WARS2: variants seen among roughly 807,000 people sequenced by gnomAD.
WARS2 encodes tryptophan--tRNA ligase, mitochondrial.
Under a neutral mutation model 36.5 loss-of-function variants are expected in WARS2, and 28 were observed. The observed-to-expected ratio is 0.77, with a 90% confidence interval of 0.57 to 1.05. The LOEUF (loss-of-function observed/expected upper bound fraction) is 1.05, where lower values mean the gene tolerates loss of function less well. Among genes scored for constraint, WARS2 ranks in the 50% least tolerant of loss-of-function variants. WARS2 has a pLI of 0.00. For synonymous variants in WARS2, 174 were observed against 178.4 expected, an observed-to-expected ratio of 0.98 and a Z score of 0.20; for missense variants, 435 against 456.8, an observed-to-expected ratio of 0.95 and a Z score of 0.44.
rs183181425 is a variant in WARS2, at chr1:119,092,046, G to C, written c.91-15439C>G. 2.2e-4 allele frequency among the ~76,000 whole-genome samples: 33 copies of C among 152,268 alleles called. No homozygotes were observed. The East Asian group carries it at 6.0e-3, about 28-fold the overall frequency. On this transcript the variant is annotated intron_variant, in intron 1 of 5. Transcript: ENST00000235521. ...TTTGAACTAGAATCTAGAATTCCCC[G>C]TGGTTAGAGCAACACAGGGGTATAT...
chr1:119,047,426 A>G (rs1013048468), intron 2 of WARS2: 10 of 152,210 alleles, frequency 6.6e-5, no homozygotes, highest in African/African-American at 1.7e-4. Context: ...AGCTACCACT[A>G]TGTCTCCACG....
intron 1 of WARS2, among the ~76,000 whole-genome samples, chr1:119,077,130 C>A (rs1452937815): frequency 1.0e-4 from 1 of 9,874 alleles, no homozygotes; most frequent in Non-Finnish European, 2.3e-4. Context: ...AGAGCGAGAC[C>A]CCGTCTCAAA....
At chr1:119,048,842 T>A (rs1410717918) in intron 2 of WARS2, among the ~76,000 whole-genome samples, 3 of 152,080 alleles carry the variant, frequency 2.0e-5, no homozygotes, top group Non-Finnish European at 4.4e-5. Context: ...GGTGGGCGGA[T>A]TACCTGACGT....
intron 1 of WARS2, 198 bp downstream of exon 1, chr1:119,140,357 A>C (rs1656865982): frequency 2.4e-6 from 1 of 422,404 alleles, no homozygotes; most frequent in Admixed American, 4.4e-5. Flanking sequence ...TTCCACCAAG[A>C]AACCTTTACG....
At chr1:119,122,333 C>T (rs1655377425) in intron 1 of WARS2, among the ~76,000 whole-genome samples, 1 of 152,076 alleles carries the variant, frequency 6.6e-6, no homozygotes, top group Admixed American at 6.6e-5. Flanking sequence ...CAAATCAAAA[C>T]CACAATGTGA....
In WARS2 at chr1:119,076,348, A is replaced by C; in HGVS notation, c.348+2T>G. On this transcript the variant is annotated splice_donor_variant, in intron 2 of 5. Transcript: ENST00000235521. LOFTEE classifies it high-confidence loss of function. The stretch of plus-strand genomic sequence containing the variant: ...TTCTCAGTTCTAATCTGAGAAGCTG[A>C]CCTGAGATTGTTGGAAAAGGATGCT... 1 of 1,614,092 alleles carries C rather than the reference A, an allele frequency of 6.2e-7. No homozygotes were observed. Among genetic ancestry groups the C allele is most frequent in the Non-Finnish European group, 8.5e-7 (1 of 1,179,990 alleles).
chr1:119,140,542 C>G lies in WARS2; in HGVS notation c.90+13G>C, dbSNP rs1237564466. 1.2e-6 allele frequency: 2 copies of G among 1,611,796 alleles called. No homozygotes were observed. Among genetic ancestry groups the G allele is most frequent in the Admixed American group, 1.7e-5 (1 of 59,798 alleles). ...GATGGGAAGCCGCGGAGGGAAGGGC[C>G]GTCTTTGGTTACCTGGAGAGCGGGA... On this transcript the variant is annotated intron_variant, in intron 1 of 5. Coordinates refer to ENST00000235521, the MANE Select transcript of WARS2 (RefSeq NM_015836.4).
intron 2 of WARS2, among the ~76,000 whole-genome samples, chr1:119,061,731 A>AT (rs1650398803): frequency 6.6e-6 from 1 of 152,060 alleles, no homozygotes; most frequent in African/African-American, 2.4e-5. Context: ...GATCTAATGG[A>AT]TTCTATTAGT....
chr1:119,048,609 AATG>A (rs767700000), intron 2 of WARS2, among the ~76,000 whole-genome samples: 2 of 152,134 alleles, frequency 1.3e-5, no homozygotes, highest in Non-Finnish European at 2.9e-5. Flanking sequence ...GGTCCCTTTA[AATG>A]ATATCAAAGA....
chr1:119,034,180 G>A lies in WARS2; in HGVS notation c.549C>T (p.Val183=). The A allele has an allele frequency of 6.2e-7, 1 of 1,614,012 alleles. No homozygotes were observed. Among genetic ancestry groups the A allele is most frequent in the Non-Finnish European group, 8.5e-7 (1 of 1,179,948 alleles). Residue 183 remains valine, a synonymous_variant, in exon 5 of 6, where the codon GTC becomes GTT. Coordinates refer to ENST00000235521, the MANE Select transcript of WARS2 (RefSeq NM_015836.4). ...GATCCTGAACTAGTTCCATGTGCTGGACTTGATCCTCCCCAACAGGAACGT... is the reference window on the plus strand; with the variant it reads ...GATCCTGAACTAGTTCCATGTGCTGAACTTGATCCTCCCCAACAGGAACGT... The part of the protein sequence containing the change: ...STHVPVGEDQ[V]QHMELVQDLA...
chr1:119,112,806 C>G (rs1339192969), intron 1 of WARS2, among the ~76,000 whole-genome samples: 1 of 152,118 alleles, frequency 6.6e-6, no homozygotes, highest in African/African-American at 2.4e-5. Context: ...AGTTAGCTAA[C>G]TGTAATATAT....
intron 1 of WARS2, among the ~76,000 whole-genome samples, chr1:119,113,351 G>A (rs990015755): frequency 6.6e-5 from 10 of 152,052 alleles, no homozygotes; most frequent in Non-Finnish European, 5.9e-5. Context: ...GAAACCTATT[G>A]TCTGAGCCCA....
rs1571422451 is a variant in WARS2 at position 119,140,596 on chromosome 1, G to A, written c.49C>T (p.Arg17Trp). The part of the protein sequence containing the change: ...RKARERWSFI[R>W]ALHKGSAAAP... ...GCTGCGGATCCCTTATGAAGTGCCC[G>A]GATGAAGCTCCAGCGCTCACGCGCT... Residue 17 changes from arginine to tryptophan, a missense_variant, in exon 1 of 6, where the codon CGG becomes TGG. Transcript: ENST00000235521. 6.2e-7 allele frequency: 1 copy of A among 1,613,884 alleles called. No homozygotes were observed. Among genetic ancestry groups the A allele is most frequent in the Non-Finnish European group, 8.5e-7 (1 of 1,179,844 alleles).
At chr1:119,109,052 T>G (rs1377500927) in intron 1 of WARS2, among the ~76,000 whole-genome samples, 13 of 151,998 alleles carry the variant, frequency 8.6e-5, no homozygotes, top group Admixed American at 8.5e-4. Context: ...TGACTACTAG[T>G]TTAATTCCAT....
At chr1:119,088,161 A>C (rs1196755634) in intron 1 of WARS2, among the ~76,000 whole-genome samples, 1 of 152,120 alleles carries the variant, frequency 6.6e-6, no homozygotes, top group Non-Finnish European at 1.5e-5. Flanking sequence ...GTACAGATAA[A>C]AACATTATGA....
At chr1:119,130,238 C>T (rs1375638067) in intron 1 of WARS2, among the ~76,000 whole-genome samples, 5 of 152,136 alleles carry the variant, frequency 3.3e-5, no homozygotes, top group African/African-American at 1.2e-4. Flanking sequence ...GCAAAAACCA[C>T]ATCAGTTGTT....
chr1:119,103,963 TA>T (rs1441135258), intron 1 of WARS2, among the ~76,000 whole-genome samples: 1 of 150,558 alleles, frequency 6.6e-6, no homozygotes, highest in Non-Finnish European at 1.5e-5. Flanking sequence ...TATTTTTAAT[TA>T]AAAATATATT....
chr1:119,129,704 T>C (rs1655950322), intron 1 of WARS2, among the ~76,000 whole-genome samples: 1 of 150,064 alleles, frequency 6.7e-6, no homozygotes, highest in Non-Finnish European at 1.5e-5. Context: ...AACAGAGTGA[T>C]ACTCTATCTC....
At chr1:119,103,062 G>A (rs918568814) in intron 1 of WARS2, among the ~76,000 whole-genome samples, 7 of 152,058 alleles carry the variant, frequency 4.6e-5, no homozygotes, top group East Asian at 1.9e-4. Flanking sequence ...TAATATTCAC[G>A]GAAAAGAGAA....
Sources: allele counts gnomAD v4.1 joint callset (sites outside exome capture counted in the v4.1 genomes callset), GRCh38; gene constraint gnomAD v4.1.1; transcripts MANE v1.5; gene names NCBI Gene and HGNC (gene_info 2026-07-23, HGNC 2026-07-21).